NLGN1: variants seen among roughly 807,000 people sequenced by gnomAD.
The protein encoded by NLGN1 is neuroligin-1.
A neutral mutation model predicts 65.5 loss-of-function variants in NLGN1; 12 were observed. The observed-to-expected ratio is 0.18, with a 90% confidence interval of 0.12 to 0.30. The LOEUF is 0.30. NLGN1 is among the 10% of genes least tolerant of loss of function. NLGN1 has a pLI of 1.00. For synonymous variants in NLGN1, 350 were observed against 359.5 expected (o/e 0.97, Z 0.30); for missense variants, 750 against 1,007.1 (o/e 0.74, Z 3.46).
At chr3:174,013,939 T>C (rs931335489) in intron 4 of NLGN1, among the ~76,000 whole-genome samples, 5 of 152,094 alleles carry the variant, frequency 3.3e-5, no homozygotes, top group Admixed American at 3.3e-4. Flanking sequence ...GATCTTGAAC[T>C]CCTGGGCTCA....
intron 3 of NLGN1, among the ~76,000 whole-genome samples, chr3:173,710,947 G>A (rs11927834): frequency 0.055 from 8,397 of 152,182 alleles, 449 homozygotes; most frequent in African/African-American, 0.13. Flanking sequence ...CATTATTCCA[G>A]TGAAACTAAA....
intron 4 of NLGN1, among the ~76,000 whole-genome samples, chr3:173,927,960 G>A (rs115459749): frequency 1.8e-3 from 276 of 152,244 alleles, no homozygotes; most frequent in African/African-American, 6.4e-3. Flanking sequence ...TGCTTTTTAT[G>A]TAGGAATTGT....
chr3:173,679,737 A>C (rs1185003574), intron 3 of NLGN1, among the ~76,000 whole-genome samples: 2 of 152,126 alleles, frequency 1.3e-5, no homozygotes, highest in Non-Finnish European at 2.9e-5. Flanking sequence ...ACTTTGAAGT[A>C]AGATGCCAGG....
chr3:173,460,303 A>G (rs1277416731), intron 2 of NLGN1, among the ~76,000 whole-genome samples: 1 of 152,148 alleles, frequency 6.6e-6, no homozygotes, highest in African/African-American at 2.4e-5. Flanking sequence ...TTCATAACTA[A>G]TACTACCCAC....
chr3:174,139,805 C>G (rs1276571971), intron 4 of NLGN1, among the ~76,000 whole-genome samples: 1 of 152,106 alleles, frequency 6.6e-6, no homozygotes, highest in Non-Finnish European at 1.5e-5. Flanking sequence ...TTTGGCCATT[C>G]TAATAGATAT....
intron 4 of NLGN1, among the ~76,000 whole-genome samples, chr3:173,880,891 A>T (rs940138910): frequency 2.0e-5 from 3 of 152,170 alleles, no homozygotes; most frequent in Non-Finnish European, 2.9e-5. Context: ...CAATGCTTTC[A>T]AAATGTACCA....
At chr3:173,422,442 AGAAAT>A (rs1173102844) in intron 1 of NLGN1, among the ~76,000 whole-genome samples, 2 of 152,224 alleles carry the variant, frequency 1.3e-5, no homozygotes, top group African/African-American at 4.8e-5. Context: ...CAATAAACAT[AGAAAT>A]ATAAATATCA....
chr3:173,763,998 C>G (rs1477688374), intron 3 of NLGN1, among the ~76,000 whole-genome samples: 1 of 152,122 alleles, frequency 6.6e-6, no homozygotes, highest in Non-Finnish European at 1.5e-5. Flanking sequence ...ATATCTGAAG[C>G]ATTGCATTGA....
intron 2 of NLGN1, among the ~76,000 whole-genome samples, chr3:173,445,267 C>CAAAAAAAAA (rs60140480): frequency 1.9e-5 from 2 of 103,486 alleles, no homozygotes; most frequent in African/African-American, 8.5e-5. Context: ...GACTCCGTCT[C>CAAAAAAAAA]AAAAAAAAAA....
intron 4 of NLGN1, among the ~76,000 whole-genome samples, chr3:174,190,560 A>G (rs567598686): frequency 1.1e-4 from 16 of 152,060 alleles, no homozygotes; most frequent in African/African-American, 2.7e-4. Flanking sequence ...AAAAATTACT[A>G]TATTAACATA....
chr3:174,044,920 C>G (rs1439184191), intron 4 of NLGN1, among the ~76,000 whole-genome samples: 1 of 152,038 alleles, frequency 6.6e-6, no homozygotes, highest in Non-Finnish European at 1.5e-5. Context: ...TTCTTCCTGC[C>G]ATCATGTGAA....
intron 2 of NLGN1, among the ~76,000 whole-genome samples, chr3:173,493,182 A>C (rs954271405): frequency 1.3e-5 from 2 of 151,846 alleles, no homozygotes; most frequent in African/African-American, 4.9e-5. Context: ...ATTGAAGTTC[A>C]GCAACATTAA....
chr3:173,753,815 C>T (rs1776656566), intron 3 of NLGN1, among the ~76,000 whole-genome samples: 5 of 151,786 alleles, frequency 3.3e-5, no homozygotes, highest in Non-Finnish European at 7.4e-5. Context: ...TCTCTCTCTT[C>T]TTCAGCCACA....
intron 4 of NLGN1, among the ~76,000 whole-genome samples, chr3:173,903,759 T>C (rs1015317803): frequency 1.3e-5 from 2 of 152,172 alleles, no homozygotes; most frequent in Non-Finnish European, 2.9e-5. Context: ...CTGGGACAGT[T>C]AGTCTTCTAT....
chr3:173,482,075 A>T (rs1161737669), intron 2 of NLGN1, among the ~76,000 whole-genome samples: 2 of 151,914 alleles, frequency 1.3e-5, no homozygotes, highest in Non-Finnish European at 2.9e-5. Flanking sequence ...CTACATTGAC[A>T]TTGATCATTC....
chr3:173,740,963 A>G (rs969554699), intron 3 of NLGN1, among the ~76,000 whole-genome samples: 2 of 152,186 alleles, frequency 1.3e-5, no homozygotes. Context: ...CAGAAAAAAC[A>G]GCTTTGACTT....
intron 4 of NLGN1, among the ~76,000 whole-genome samples, chr3:174,085,630 A>G (rs1743082270): frequency 6.6e-6 from 1 of 152,164 alleles, no homozygotes. Context: ...TTTATCCTTC[A>G]TAGCAGAAGA....
At chr3:174,130,493 A>G (rs1318092013) in intron 4 of NLGN1, among the ~76,000 whole-genome samples, 1 of 152,148 alleles carries the variant, frequency 6.6e-6, no homozygotes, top group Non-Finnish European at 1.5e-5. Context: ...GTCCTCGAGA[A>G]TCTAAATGGG....
intron 4 of NLGN1, among the ~76,000 whole-genome samples, chr3:174,268,408 T>C (rs1454441316): frequency 1.3e-5 from 2 of 152,034 alleles, no homozygotes; most frequent in African/African-American, 4.8e-5. Flanking sequence ...CAGCCTTAAA[T>C]TGTGGTGAAG....
Sources: gnomAD v4.1 joint callset for allele counts (sites outside exome capture counted in the v4.1 genomes callset) on GRCh38, gnomAD v4.1.1 for gene constraint, MANE v1.5 for transcripts, NCBI Gene and HGNC (gene_info 2026-07-23, HGNC 2026-07-21) for gene names.